Variants in SGCD observed in about 807,000 individuals in gnomAD.
SGCD encodes the protein delta-sarcoglycan.
A neutral mutation model predicts 36.6 loss-of-function variants in SGCD; 18 were observed. That is an observed-to-expected ratio of 0.49 (90% confidence interval 0.34 to 0.73). SGCD has a LOEUF of 0.73. Among genes scored for constraint, SGCD ranks in the 30% least tolerant of loss-of-function variants. SGCD has a pLI of 0.01. For missense variants in SGCD, 387 were observed against 346.7 expected (o/e 1.12, Z -0.92); for synonymous variants, 133 against 130.6 (o/e 1.02, Z -0.12).
chr5:156,701,550 G>A (rs1275788547), intron 7 of SGCD, among the ~76,000 whole-genome samples: 2 of 152,124 alleles, frequency 1.3e-5, no homozygotes, highest in African/African-American at 4.8e-5. Context: ...GTATCTAATT[G>A]GGGATGGGGG....
chr5:156,454,223 T>A (rs760197276), intron 3 of SGCD, among the ~76,000 whole-genome samples: 1 of 152,226 alleles, frequency 6.6e-6, no homozygotes, highest in Non-Finnish European at 1.5e-5. Context: ...AGGTCCATTG[T>A]GTTACCAATC....
intron 3 of SGCD, among the ~76,000 whole-genome samples, chr5:156,454,940 G>A (rs920432181): frequency 2.0e-5 from 3 of 152,156 alleles, no homozygotes; most frequent in African/African-American, 7.2e-5. Context: ...GATACACTGT[G>A]CATCAGGAAA....
At chr5:156,530,592 T>C (rs1214967171) in intron 4 of SGCD, among the ~76,000 whole-genome samples, 1 of 151,964 alleles carries the variant, frequency 6.6e-6, no homozygotes, top group African/African-American at 2.4e-5. Context: ...TTTCTTTTTT[T>C]TTCCTCAGAT....
intron 3 of SGCD, among the ~76,000 whole-genome samples, chr5:156,148,531 A>G (rs1468324841): frequency 2.0e-5 from 3 of 152,148 alleles, no homozygotes; most frequent in East Asian, 3.9e-4. Flanking sequence ...GATGTAACTG[A>G]TATATGGTCT....
chr5:156,031,413 A>G (rs1322623668), intron 1 of SGCD, among the ~76,000 whole-genome samples: 1 of 152,186 alleles, frequency 6.6e-6, no homozygotes, highest in Non-Finnish European at 1.5e-5. Flanking sequence ...GGCAGTGGGC[A>G]TGATGGGGAA....
At chr5:156,382,081 A>C (rs1343301536) in intron 3 of SGCD, among the ~76,000 whole-genome samples, 1 of 152,140 alleles carries the variant, frequency 6.6e-6, no homozygotes, top group Non-Finnish European at 1.5e-5. Context: ...CTGCTCAACC[A>C]AAGGCCCAGG....
intron 3 of SGCD, among the ~76,000 whole-genome samples, chr5:156,312,782 T>C (rs1370901124): frequency 6.6e-6 from 1 of 152,166 alleles, no homozygotes; most frequent in Non-Finnish European, 1.5e-5. Context: ...TTTAACATGG[T>C]TCCAGGTGAA....
chr5:156,191,300 A>C (rs1378422800), intron 3 of SGCD, among the ~76,000 whole-genome samples: 1 of 152,162 alleles, frequency 6.6e-6, no homozygotes, highest in Non-Finnish European at 1.5e-5. Flanking sequence ...TCCTCGAATC[A>C]AGATGCTAGA....
At position 156,767,221 on chromosome 5, in the gene SGCD, G is replaced by C. The variant is rs1177659832; in HGVS notation, c.*7831G>C. ...GGAAGTGTCGGCACATCTAAATTTA[G>C]TGAACACAAAATTAATTTTTATCTA... On this transcript the variant is annotated 3_prime_UTR_variant, in exon 9 of 9. Transcript: ENST00000337851. 1 of 152,120 alleles carries C rather than the reference G, an allele frequency of 6.6e-6. No homozygotes were observed. Among genetic ancestry groups the C allele is most frequent in the Admixed American group, 6.5e-5 (1 of 15,276 alleles). The allele number at this position is 152,120 out of a possible 1,614,324, so 9.4% of individuals were successfully genotyped here. A position where few individuals can be genotyped will look rare whatever the true frequency, so the allele number is the denominator to read the frequency against.
rs186285501 is a variant in SGCD at position 156,284,309 on chromosome 5, C to T, written c.-43-45225C>T. ...TCAATAGAAAAAGAGAGAATCCTCC[C>T]TAACTCATTTGATGAGGCCAGCATC... On this transcript the variant is annotated intron_variant, in intron 3 of 9. Transcript: ENST00000517913. 5.5e-3 allele frequency among the ~76,000 whole-genome samples: 838 copies of T among 152,244 alleles called. 3 individuals carry two copies. Among genetic ancestry groups the T allele is most frequent in the Non-Finnish European group, 9.6e-3 (652 of 68,020 alleles).
intron 3 of SGCD, among the ~76,000 whole-genome samples, chr5:156,148,599 G>A (rs1354036365): frequency 6.6e-6 from 1 of 152,086 alleles, no homozygotes; most frequent in Non-Finnish European, 1.5e-5. Flanking sequence ...TGAACAGAAT[G>A]AGGTCCAGCT....
At chr5:156,368,959 C>T (rs1469818240) in intron 3 of SGCD, among the ~76,000 whole-genome samples, 1 of 152,210 alleles carries the variant, frequency 6.6e-6, no homozygotes, top group Non-Finnish European at 1.5e-5. Context: ...CTGAAACCAT[C>T]CCCTGCAAAA....
intron 4 of SGCD, among the ~76,000 whole-genome samples, chr5:156,527,828 C>G (rs1043329535): frequency 1.3e-5 from 2 of 152,264 alleles, no homozygotes; most frequent in Non-Finnish European, 2.9e-5. Context: ...CACAGGGGGC[C>G]GAGGCCCTTG....
chr5:156,298,527 G>A lies in SGCD; in HGVS notation c.-43-31007G>A, dbSNP rs143524012. On this transcript the variant is annotated intron_variant, in intron 3 of 9. Transcript: ENST00000517913. ...TTTCTCTGATGATCAATGATACTGAGCACCTTTTCATATACCTGTTTGCCA... is the reference window on the plus strand; with the variant it reads ...TTTCTCTGATGATCAATGATACTGAACACCTTTTCATATACCTGTTTGCCA... Among the ~76,000 whole-genome samples the A allele has an allele frequency of 7.9e-5, 12 of 151,252 alleles. No individual in the cohort carries two copies. In the East Asian group the frequency reaches 2.3e-3, roughly 29 times the overall value.
the SGCD span, among the ~76,000 whole-genome samples, chr5:155,762,816 C>G: frequency 6.6e-6 from 1 of 152,156 alleles, no homozygotes; most frequent in African/African-American, 2.4e-5. Context: ...GGCAATTCCT[C>G]TAATACTTAG....
chr5:156,214,203 A>G lies in SGCD; in HGVS notation c.-44+90184A>G, dbSNP rs182257540. On this transcript the variant is annotated intron_variant, in intron 3 of 9. Coordinates refer to the SGCD transcript ENST00000517913. ...GATATCAGGATCTTAATACACAGAA[A>G]ACCCTCAAGACTTCACAAAAAACTA... Among the ~76,000 whole-genome samples, 9 of 152,112 alleles carry G rather than the reference A, an allele frequency of 5.9e-5. No homozygotes were observed. In the East Asian group the frequency reaches 1.5e-3, roughly 26 times the overall value.
At chr5:156,133,054 C>A (rs974452518) in intron 3 of SGCD, among the ~76,000 whole-genome samples, 1 of 152,110 alleles carries the variant, frequency 6.6e-6, no homozygotes, top group South Asian at 2.1e-4. Context: ...CACTTCATAT[C>A]GATGTGACAC....
the SGCD span, among the ~76,000 whole-genome samples, chr5:155,837,083 G>C: frequency 6.6e-6 from 1 of 152,188 alleles, no homozygotes. Context: ...TTTGTGACAT[G>C]TTATTTTTTC....
chr5:155,764,001 A>G, the SGCD span, among the ~76,000 whole-genome samples: 2 of 152,082 alleles, frequency 1.3e-5, no homozygotes, highest in African/African-American at 4.8e-5. Context: ...TTAAACTTTC[A>G]TTTTGTACCT....
Sources: gnomAD v4.1 joint callset for allele counts (sites outside exome capture counted in the v4.1 genomes callset) on GRCh38, gnomAD v4.1.1 for gene constraint, MANE v1.5 for transcripts, NCBI Gene and HGNC (gene_info 2026-07-23, HGNC 2026-07-21) for gene names.